The following PCDHA4 variants were observed in gnomAD, a reference collection of about 807,000 sequenced individuals.
PCDHA4 encodes protocadherin alpha 4.
A neutral mutation model predicts 61.4 loss-of-function variants in PCDHA4; 49 were observed. The observed-to-expected ratio is 0.80, with a 90% CI of 0.63 to 1.01. The LOEUF is 1.01. PCDHA4 is among the 50% of genes least tolerant of loss of function. The probability of loss-of-function intolerance (pLI) is 0.00; values close to 1 mark genes in which losing one functional copy is unlikely to be tolerated. For missense variants in PCDHA4, 1,254 were observed against 1,235.8 expected (o/e 1.01, Z -0.22); for synonymous variants, 590 against 550.3 (o/e 1.07, Z -1.01).
At chr5:140,829,352 T>C (rs2150166449) in intron 1 of PCDHA4, 1 of 1,614,230 alleles carries the variant, frequency 6.2e-7, no homozygotes, top group Non-Finnish European at 8.5e-7. Flanking sequence ...CGTGTCGGCC[T>C]ATGAGTTGGT....
chr5:140,996,293 A>T (rs1481852263), intron 3 of PCDHA4, among the ~76,000 whole-genome samples: 1 of 152,264 alleles, frequency 6.6e-6, no homozygotes, highest in African/African-American at 2.4e-5. Context: ...CAAGAAGCAC[A>T]GATTGTAACA....
In PCDHA4 at chr5:140,851,131, G is replaced by T. The variant is rs2041968794; in HGVS notation, c.2385+41559G>T. The T allele has an allele frequency of 4.6e-6, 6 of 1,310,148 alleles. No individual in the cohort carries two copies. In the East Asian group the frequency reaches 1.6e-4, roughly 35 times the overall value. The allele number at this position is 1,310,148 out of a possible 1,614,324, so 81.2% of individuals were successfully genotyped here. ...CTGAATCAATTTTATTTAAATTTGT[G>T]ATTAAAGTGACATTGAATTTCTGAT... On this transcript the variant is annotated intron_variant, in intron 1 of 3. Coordinates refer to ENST00000530339, the MANE Select transcript of PCDHA4 (RefSeq NM_018907.4).
chr5:140,832,994 A>G (rs1435786520), intron 1 of PCDHA4, among the ~76,000 whole-genome samples: 1 of 152,222 alleles, frequency 6.6e-6, no homozygotes, highest in Non-Finnish European at 1.5e-5. Flanking sequence ...GGAATAGTCC[A>G]CTTTGGGTAA....
chr5:140,900,381 G>A lies in PCDHA4; in HGVS notation c.2386-78568G>A, dbSNP rs149167159. 1.2e-4 allele frequency among the ~76,000 whole-genome samples: 19 copies of A among 152,024 alleles called. 1 individual carries two copies. The East Asian group carries it at 2.1e-3, about 17-fold the overall frequency. ...CAACCTCTGCCTCCTGGGTTCAAGC[G>A]ATTCTCCTGCCTCAGCCTCCCAAGT... is the stretch of plus-strand genomic sequence containing the variant. On this transcript the variant is annotated intron_variant, in intron 1 of 3. Transcript: ENST00000530339.
chr5:140,906,824 G>A (rs2072970432), intron 1 of PCDHA4, among the ~76,000 whole-genome samples: 1 of 152,216 alleles, frequency 6.6e-6, no homozygotes, highest in African/African-American at 2.4e-5. Flanking sequence ...CTGTGGAGTA[G>A]TAGACTGATT....
At chr5:140,835,431 T>C (rs2150235593) in intron 1 of PCDHA4, 1 of 1,613,912 alleles carries the variant, frequency 6.2e-7, no homozygotes, top group Non-Finnish European at 8.5e-7. Context: ...TGCTCCACAG[T>C]TGACTCTCAC....
At chr5:140,906,099 T>G (rs1377633678) in intron 1 of PCDHA4, among the ~76,000 whole-genome samples, 1 of 152,118 alleles carries the variant, frequency 6.6e-6, no homozygotes, top group African/African-American at 2.4e-5. Flanking sequence ...AGTAAGTGTG[T>G]CTTTCCCAGT....
intron 1 of PCDHA4, among the ~76,000 whole-genome samples, chr5:140,913,340 C>G (rs1276320319): frequency 6.6e-6 from 1 of 152,024 alleles, no homozygotes; most frequent in African/African-American, 2.4e-5. Context: ...GGAATTTATC[C>G]ATTTCCTCTA....
At chr5:140,838,675 C>A (rs1006431084) in intron 1 of PCDHA4, among the ~76,000 whole-genome samples, 8 of 152,016 alleles carry the variant, frequency 5.3e-5, no homozygotes, top group Admixed American at 1.3e-4. Flanking sequence ...GTGGCACACA[C>A]CTTTAACCCC....
At chr5:140,811,821 T>C (rs1215583343) in intron 1 of PCDHA4, 1 of 152,226 alleles carries the variant, frequency 6.6e-6, no homozygotes. Flanking sequence ...TCTGTTCATA[T>C]CCTTTGCCCA....
chr5:140,995,709 G>C (rs1279829164), intron 3 of PCDHA4, among the ~76,000 whole-genome samples: 6 of 152,162 alleles, frequency 3.9e-5, no homozygotes, highest in African/African-American at 1.4e-4. Flanking sequence ...GCTGGGCTTG[G>C]AAATGTTCTT....
chr5:141,008,670 A>G (rs1375302412), intron 3 of PCDHA4, among the ~76,000 whole-genome samples: 1 of 152,218 alleles, frequency 6.6e-6, no homozygotes, highest in Non-Finnish European at 1.5e-5. Flanking sequence ...TACTTTACAT[A>G]TACTTTAGTT....
chr5:140,930,781 CAATAT>C (rs1259470112), intron 1 of PCDHA4, among the ~76,000 whole-genome samples: 2 of 152,048 alleles, frequency 1.3e-5, no homozygotes, highest in African/African-American at 4.8e-5. Context: ...AATATTTTCA[CAATAT>C]AATAGAATCC....
intron 1 of PCDHA4, among the ~76,000 whole-genome samples, chr5:140,914,381 T>C (rs192645626): frequency 1.7e-4 from 26 of 152,352 alleles, no homozygotes; most frequent in Admixed American, 2.6e-4. Flanking sequence ...TTATCTGTTA[T>C]AAGTGTAGTT....
chr5:140,808,892 C>T lies in PCDHA4; in HGVS notation c.1705C>T (p.Arg569Trp), dbSNP rs13189658. ...NDNAPALLAP[R>W]AGGTGGAVSE... is the part of the protein sequence containing the mutation. ...CAACGCGCCAGCACTGCTAGCGCCT[C>T]GGGCGGGTGGCACTGGTGGCGCAGT... The change falls in exon 1 of 4, where the codon CGG becomes TGG. Residue 569 changes from arginine to tryptophan, a missense_variant. Physicochemically the swap from Arg to Trp is moderately radical, Grantham distance 101. Transcript: ENST00000530339. 6.2e-7 allele frequency: 1 copy of T among 1,613,376 alleles called. No homozygotes were observed. The highest frequency in any genetic ancestry group is 1.7e-5 in the Admixed American group (1 of 60,014).
intron 1 of PCDHA4, chr5:140,869,477 A>T: frequency 1.2e-6 from 2 of 1,614,208 alleles, no homozygotes; most frequent in African/African-American, 2.7e-5. Context: ...GAGGTGAAGG[A>T]CATTAACGAC....
intron 1 of PCDHA4, among the ~76,000 whole-genome samples, chr5:140,826,618 T>C (rs935970979): frequency 1.3e-5 from 2 of 152,148 alleles, no homozygotes; most frequent in African/African-American, 4.8e-5. Context: ...GCGAAGTTGA[T>C]ATTTGGCCCT....
intron 1 of PCDHA4, chr5:140,821,749 A>G: frequency 1.3e-6 from 2 of 1,571,782 alleles, no homozygotes; most frequent in South Asian, 2.4e-5. Flanking sequence ...GATGCAATAG[A>G]AAGCTCATAA....
chr5:140,920,002 A>G (rs1260973070), intron 1 of PCDHA4, among the ~76,000 whole-genome samples: 1 of 152,230 alleles, frequency 6.6e-6, no homozygotes, highest in Non-Finnish European at 1.5e-5. Flanking sequence ...CACAGAGGAA[A>G]AGGCCATGCG....
Sources: allele counts gnomAD v4.1 joint callset (sites outside exome capture counted in the v4.1 genomes callset), GRCh38; gene constraint gnomAD v4.1.1; transcripts MANE v1.5; gene names NCBI Gene and HGNC (gene_info 2026-07-23, HGNC 2026-07-21).